The following UTP18 variants were observed in gnomAD, a reference collection of about 807,000 sequenced individuals.
The protein encoded by UTP18 is U3 small nucleolar RNA-associated protein 18 homolog.
A neutral mutation model predicts 61.1 loss-of-function variants in UTP18; 36 were observed. That is an observed-to-expected ratio of 0.59 (90% CI 0.45 to 0.78). The LOEUF (loss-of-function observed/expected upper bound fraction) is 0.78, where lower values mean the gene tolerates loss of function less well. Among genes scored for constraint, UTP18 ranks in the 30% least tolerant of loss-of-function variants. The pLI is 0.00. For missense variants in UTP18, 753 were observed against 693.9 expected (o/e 1.09, Z -0.96); for synonymous variants, 282 against 251.1 (o/e 1.12, Z -1.16).
intron 3 of UTP18, among the ~76,000 whole-genome samples, chr17:51,266,830 A>G (rs1436119892): frequency 2.6e-5 from 4 of 152,168 alleles, no homozygotes; most frequent in Admixed American, 2.6e-4. Context: ...TGTAAGGTGC[A>G]TACATTTTAT....
intron 12 of UTP18, 122 bp downstream of exon 12, chr17:51,294,167 A>G (rs1905302252): frequency 5.9e-6 from 4 of 682,290 alleles, no homozygotes; most frequent in Non-Finnish European, 8.4e-6. Flanking sequence ...CTTGACTCTC[A>G]TCTTCATTAT....
chr17:51,280,983 G>C (rs1904896348), intron 9 of UTP18, among the ~76,000 whole-genome samples: 1 of 151,674 alleles, frequency 6.6e-6, no homozygotes, highest in South Asian at 2.1e-4. Context: ...TTTAAGACCA[G>C]CCTGGCCAAC....
At chr17:51,283,760 A>G (rs576355418) in intron 9 of UTP18, among the ~76,000 whole-genome samples, 3 of 151,862 alleles carry the variant, frequency 2.0e-5, no homozygotes, top group African/African-American at 7.3e-5. Flanking sequence ...GATTACAGGC[A>G]TGTGCCACCA....
chr17:51,264,597 G>T (rs1391893689), intron 2 of UTP18, among the ~76,000 whole-genome samples: 2 of 102,020 alleles, frequency 2.0e-5, no homozygotes, highest in South Asian at 3.7e-4. Flanking sequence ...TGGTTTATTT[G>T]TTTTTTTTTT....
intron 7 of UTP18, among the ~76,000 whole-genome samples, chr17:51,277,682 A>G (rs1042337129): frequency 1.3e-5 from 2 of 152,028 alleles, no homozygotes; most frequent in East Asian, 3.8e-4. Flanking sequence ...AAACTTGGAT[A>G]CTCTGTAGTT....
chr17:51,273,290 A>G (rs1904591512), intron 4 of UTP18, 72 bp from the exon 5 acceptor site: 1 of 1,115,060 alleles, frequency 9.0e-7, no homozygotes, highest in South Asian at 1.9e-5. Context: ...ATATATTCAT[A>G]GAAGTTTGGG....
chr17:51,284,655 T>C (rs555150376), intron 9 of UTP18, among the ~76,000 whole-genome samples: 1 of 152,232 alleles, frequency 6.6e-6, no homozygotes, highest in Non-Finnish European at 1.5e-5. Flanking sequence ...AAGCTTTTTC[T>C]AAAAGTTCAA....
At chr17:51,262,089 A>C (rs2055506424) in intron 1 of UTP18, among the ~76,000 whole-genome samples, 1 of 151,514 alleles carries the variant, frequency 6.6e-6, no homozygotes, top group African/African-American at 2.4e-5. Flanking sequence ...GTCTAGGTTT[A>C]GATTTTTTTT....
intron 3 of UTP18, 44 bp downstream of exon 3, chr17:51,266,324 C>A: frequency 7.2e-7 from 1 of 1,385,248 alleles, no homozygotes. Context: ...GTGTATGTAA[C>A]CAATGCCCAG....
chr17:51,287,790 G>A (rs966214807), intron 10 of UTP18, among the ~76,000 whole-genome samples: 1 of 152,218 alleles, frequency 6.6e-6, no homozygotes, highest in Non-Finnish European at 1.5e-5. Flanking sequence ...CAGGATGCAA[G>A]AAGAGTCAGT....
rs1478893430 is a variant in UTP18 at position 51,275,782 on chromosome 17, A to G, written c.712-84A>G. ...AGTGCATTTTTTTCCTTCATTATAA[A>G]CTGTAATGTCTTTTCTTCTTACTCT... On this transcript the variant is annotated intron_variant, in intron 5 of 13. Transcript: ENST00000225298. The G allele has an allele frequency of 2.5e-5, 32 of 1,293,920 alleles. No individual in the cohort carries two copies. The East Asian group carries it at 7.0e-4, about 28-fold the overall frequency. 80.2% of individuals were successfully genotyped at this position (1,293,920 alleles called of 1,614,324 possible).
At position 51,275,726 on chromosome 17, in the gene UTP18, T is replaced by G. The variant is rs193286600; in HGVS notation, c.712-140T>G. ...CTGCGGTTTTTTTGTTTTTTGTTTTTTTTTTTTGAGTTGTGTTTGGTTACC... is the reference window on the plus strand; with the variant it reads ...CTGCGGTTTTTTTGTTTTTTGTTTTGTTTTTTTGAGTTGTGTTTGGTTACC... On this transcript the variant is annotated intron_variant, in intron 5 of 13. Coordinates refer to ENST00000225298, the MANE Select transcript of UTP18 (RefSeq NM_016001.3). 71 of 867,256 alleles carry G rather than the reference T, an allele frequency of 8.2e-5. 1 individual carries two copies. The Admixed American group carries it at 2.7e-3, about 33-fold the overall frequency. The allele number at this position is 867,256 out of a possible 1,614,324, so 53.7% of individuals were successfully genotyped here.
chr17:51,266,319 T>C, intron 3 of UTP18, 39 bp downstream of exon 3: 1 of 1,424,614 alleles, frequency 7.0e-7, no homozygotes, highest in Non-Finnish European at 9.5e-7. Context: ...AAGAGGTGTA[T>C]GTAACCAATG....
intron 11 of UTP18, among the ~76,000 whole-genome samples, 174 bp from the exon 12 acceptor site, chr17:51,293,726 TAAA>T (rs1312695136): frequency 6.6e-6 from 1 of 152,046 alleles, no homozygotes; most frequent in African/African-American, 2.4e-5. Context: ...AATAAAGTAA[TAAA>T]AAAAGATCAA....
intron 1 of UTP18, among the ~76,000 whole-genome samples, chr17:51,261,443 C>T (rs2055478847): frequency 6.6e-6 from 1 of 152,184 alleles, no homozygotes; most frequent in Non-Finnish European, 1.5e-5. Flanking sequence ...TTGCCAGATA[C>T]CCTTTCTGGC....
intron 3 of UTP18, among the ~76,000 whole-genome samples, chr17:51,267,182 T>G (rs960355618): frequency 6.6e-6 from 1 of 152,150 alleles, no homozygotes; most frequent in Non-Finnish European, 1.5e-5. Flanking sequence ...CCCAGGCTGG[T>G]CTTGAACTGG....
At position 51,275,866 on chromosome 17, in the gene UTP18, A is replaced by G. The variant is rs181154558; in HGVS notation, c.712A>G (p.Met238Val). 1.3e-6 allele frequency: 2 copies of G among 1,596,526 alleles called. No individual in the cohort carries two copies. Among genetic ancestry groups the G allele is most frequent in the Admixed American group, 3.6e-5 (2 of 55,028 alleles). Residue 238 changes from methionine to valine, a missense_variant and splice_region_variant, in exon 6 of 14, where the codon ATG becomes GTG. Physicochemically the swap from Met to Val is conservative, Grantham distance 21. Transcript: ENST00000225298. ...AAATCCCAGCTTTCATTTCCTATAG[A>G]TGAAGAACTGCCAGCATGCGAATGC... The part of the protein sequence containing the change: ...STSLPRGILK[M>V]KNCQHANAER...
chr17:51,271,990 AC>A (rs1376517640), intron 4 of UTP18, among the ~76,000 whole-genome samples: 1 of 151,912 alleles, frequency 6.6e-6, no homozygotes, highest in Admixed American at 6.6e-5. Context: ...ACTTTTAATT[AC>A]GTATTTTTCA....
chr17:51,275,733 TGA>T, intron 5 of UTP18, 131 bp from the exon 6 acceptor site: 8 of 884,210 alleles, frequency 9.0e-6, no homozygotes, highest in Admixed American at 8.6e-5. Flanking sequence ...TTTTTTTTTT[TGA>T]GTTGTGTTTG....
Sources: gnomAD v4.1 joint callset for allele counts (sites outside exome capture counted in the v4.1 genomes callset) on GRCh38, gnomAD v4.1.1 for gene constraint, MANE v1.5 for transcripts, NCBI Gene and HGNC (gene_info 2026-07-23, HGNC 2026-07-21) for gene names.